The following MINDY3 variants were observed in gnomAD, a reference collection of about 807,000 sequenced individuals.
MINDY3 encodes ubiquitin carboxyl-terminal hydrolase MINDY-3.
MINDY3 carries 38 observed loss-of-function variants against 69.2 expected under a neutral mutation model. The observed-to-expected ratio is 0.55, with a 90% CI of 0.42 to 0.72. MINDY3 has a LOEUF of 0.72. Ranked by LOEUF, MINDY3 falls within the 30% of genes least tolerant of loss-of-function variation. The probability of loss-of-function intolerance (pLI) is 0.00; values close to 1 mark genes in which losing one functional copy is unlikely to be tolerated. For synonymous variants in MINDY3, 192 were observed against 180.1 expected, an observed-to-expected ratio of 1.07 and a Z score of -0.53; for missense variants, 522 against 519.0, an observed-to-expected ratio of 1.01 and a Z score of -0.06.
chr10:15,824,268 C>A (rs537927886), intron 8 of MINDY3, among the ~76,000 whole-genome samples: 1 of 152,258 alleles, frequency 6.6e-6, no homozygotes, highest in South Asian at 2.1e-4. Context: ...GTTCTCTTTT[C>A]TCTATCTTCG....
At chr10:15,814,376 A>C (rs974511921) in intron 10 of MINDY3, among the ~76,000 whole-genome samples, 7 of 152,048 alleles carry the variant, frequency 4.6e-5, no homozygotes, top group African/African-American at 1.7e-4. Flanking sequence ...TGAGTCGTGT[A>C]AAATATTCTT....
intron 14 of MINDY3, among the ~76,000 whole-genome samples, chr10:15,781,473 C>A (rs1472053818): frequency 6.6e-6 from 1 of 151,016 alleles, no homozygotes; most frequent in Non-Finnish European, 1.5e-5. Flanking sequence ...AGATAATAGA[C>A]ACACAAAAAG....
At chr10:15,837,888 CAAAT>C in intron 5 of MINDY3, 7 of 937,522 alleles carry the variant, frequency 7.5e-6, no homozygotes, top group Non-Finnish European at 8.9e-6. Context: ...CAGATACTGG[CAAAT>C]AAATAATTCT....
In MINDY3 at chr10:15,779,062, C is replaced by A; in HGVS notation, c.1268G>T (p.Arg423Leu). 1 of 1,613,446 alleles carries A rather than the reference C, an allele frequency of 6.2e-7. No individual in the cohort carries two copies. The highest frequency in any genetic ancestry group is 8.5e-7 in the Non-Finnish European group (1 of 1,179,670). Residue 423 changes from arginine to leucine, a missense_variant, in exon 15 of 15, where the codon CGC (arginine) becomes CTC (leucine). By Grantham distance (102) the Arg-to-Leu change is moderately radical (BLOSUM62 -2). Transcript: ENST00000277632. ...MLQTDDTPIKRCLQTKWPYIE... is the reference protein window; with the variant it reads ...MLQTDDTPIKLCLQTKWPYIE... ...GTATGGCCATTTGGTTTGCAGACAG[C>A]GTTTAATAGGAGTGTCATCTGTCTG...
rs770784670 is a variant in MINDY3, at chr10:15,821,710, A to G, written c.747T>C (p.His249=). 3.1e-6 allele frequency: 5 copies of G among 1,612,264 alleles called. No individual in the cohort carries two copies. Among genetic ancestry groups the G allele is most frequent in the Non-Finnish European group, 4.2e-6 (5 of 1,179,362 alleles). The change falls in exon 9 of 15, where the codon CAT becomes CAC. Residue 249 remains histidine (H), a synonymous_variant. Coordinates refer to ENST00000277632, the MANE Select transcript of MINDY3 (RefSeq NM_024948.4). ...TTAAAAATCCTACTGCTGCTTGTTC[A>G]TGTATACCAAGAAGTTCTGCAAAAA... is the stretch of plus-strand genomic sequence containing the variant. The part of the protein sequence containing the change: ...ECSGMKLLGI[H]EQAAVGFLTL...
chr10:15,804,836 C>G (rs1838519810), intron 10 of MINDY3, among the ~76,000 whole-genome samples: 2 of 152,050 alleles, frequency 1.3e-5, no homozygotes, highest in African/African-American at 2.4e-5. Flanking sequence ...AATCCCAATA[C>G]CTGAAAGCAG....
chr10:15,797,613 T>C (rs1297977553), intron 10 of MINDY3, among the ~76,000 whole-genome samples: 1 of 152,150 alleles, frequency 6.6e-6, no homozygotes, highest in Non-Finnish European at 1.5e-5. Flanking sequence ...GCAGTTATAT[T>C]TGCACAGCAG....
chr10:15,810,273 T>C (rs987820803), intron 10 of MINDY3, among the ~76,000 whole-genome samples: 2 of 152,166 alleles, frequency 1.3e-5, no homozygotes, highest in African/African-American at 4.8e-5. Flanking sequence ...TAAAAGTAAA[T>C]TGTTCATTTC....
At chr10:15,804,815 A>G (rs1236450684) in intron 10 of MINDY3, among the ~76,000 whole-genome samples, 1 of 152,178 alleles carries the variant, frequency 6.6e-6, no homozygotes, top group African/African-American at 2.4e-5. Context: ...CAAGATTAAC[A>G]GAATTCAGTT....
At chr10:15,836,289 A>G (rs943264911) in intron 6 of MINDY3, among the ~76,000 whole-genome samples, 1 of 152,036 alleles carries the variant, frequency 6.6e-6, no homozygotes, top group Non-Finnish European at 1.5e-5. Context: ...TCATGCATCA[A>G]GGTCCTATCT....
At chr10:15,792,650 C>A (rs1313970045) in intron 11 of MINDY3, among the ~76,000 whole-genome samples, 1 of 152,016 alleles carries the variant, frequency 6.6e-6, no homozygotes, top group African/African-American at 2.4e-5. Flanking sequence ...AAATGCAGTA[C>A]ACTGAAATCA....
intron 6 of MINDY3, 53 bp from the exon 7 acceptor site, chr10:15,834,669 G>A (rs907817194): frequency 1.5e-6 from 2 of 1,302,022 alleles, no homozygotes; most frequent in African/African-American, 2.9e-5. Flanking sequence ...TGAAAATTAT[G>A]ACTGTTTAAA....
chr10:15,801,150 T>C (rs924493581), intron 10 of MINDY3, among the ~76,000 whole-genome samples: 1 of 152,166 alleles, frequency 6.6e-6, no homozygotes, highest in African/African-American at 2.4e-5. Context: ...AACAGGTTTT[T>C]AATGTGGACA....
At chr10:15,837,627 T>C (rs1183717882) in intron 5 of MINDY3, 24 of 1,262,152 alleles carry the variant, frequency 1.9e-5, no homozygotes, top group Admixed American at 1.3e-4. Context: ...AAGAATAGAG[T>C]GGCCTTCTTG....
chr10:15,833,980 T>C (rs1025971842), intron 7 of MINDY3, among the ~76,000 whole-genome samples: 2 of 152,042 alleles, frequency 1.3e-5, no homozygotes, highest in Non-Finnish European at 2.9e-5. Flanking sequence ...AATGACAGAC[T>C]AATAAGTTAC....
At chr10:15,814,670 T>C (rs905116919) in intron 10 of MINDY3, among the ~76,000 whole-genome samples, 2 of 152,120 alleles carry the variant, frequency 1.3e-5, no homozygotes, top group Non-Finnish European at 1.5e-5. Context: ...AGACAGCCCC[T>C]GCCCTAGACA....
At chr10:15,834,351 T>A (rs542368286) in intron 7 of MINDY3, among the ~76,000 whole-genome samples, 192 bp downstream of exon 7, 1 of 152,132 alleles carries the variant, frequency 6.6e-6, no homozygotes, top group East Asian at 1.9e-4. Flanking sequence ...AATAAATGCA[T>A]ACATAAAATG....
rs1209019792 is a variant in MINDY3 at position 15,796,212 on chromosome 10, T to C, written c.883-40A>G. 3 of 1,520,450 alleles carry C rather than the reference T, an allele frequency of 2.0e-6. No homozygotes were observed. In the African/African-American group the frequency reaches 4.1e-5, roughly 21 times the overall value. The allele number at this position is 1,520,450 out of a possible 1,614,324, so 94.2% of individuals were successfully genotyped here. A position where few individuals can be genotyped will look rare whatever the true frequency, so the allele number is the denominator to read the frequency against. On this transcript the variant is annotated intron_variant, in intron 10 of 14. Coordinates refer to ENST00000277632, the MANE Select transcript of MINDY3 (RefSeq NM_024948.4). ...AGCATGTTGTCAACCAGCTACAGTA[T>C]TATGACATTAAAAAGAAAACAGATA...
rs1445860546 is a variant in MINDY3 at position 15,847,877 on chromosome 10, A to G, written c.161T>C (p.Ile54Thr). Residue 54 changes from isoleucine to threonine, a missense_variant, in exon 2 of 15, where the codon ATT becomes ACT. Coordinates refer to ENST00000277632, the MANE Select transcript of MINDY3 (RefSeq NM_024948.4). The stretch of plus-strand genomic sequence containing the variant: ...AGTCTATGTTACCTGAACAGGTGCA[A>G]TAACAGCACAGGGGCCACCTTCAAA... ...EQFEGGPCAVIAPVQAFLLKK... is the reference protein window; with the variant it reads ...EQFEGGPCAVTAPVQAFLLKK... 6.2e-7 allele frequency: 1 copy of G among 1,613,654 alleles called. No individual in the cohort carries two copies. Among genetic ancestry groups the G allele is most frequent in the Non-Finnish European group, 8.5e-7 (1 of 1,179,550 alleles).
Sources: gnomAD v4.1 joint callset for allele counts (sites outside exome capture counted in the v4.1 genomes callset) on GRCh38, gnomAD v4.1.1 for gene constraint, MANE v1.5 for transcripts, NCBI Gene and HGNC (gene_info 2026-07-23, HGNC 2026-07-21) for gene names.